Variants in SPAG16 observed in about 807,000 individuals in gnomAD.
SPAG16 encodes sperm-associated antigen 16 protein.
SPAG16 carries 86 observed loss-of-function variants against 80.4 expected under a neutral mutation model. That is an observed-to-expected ratio of 1.07 (90% CI 0.90 to 1.28). SPAG16 has a LOEUF of 1.28. Ranked by LOEUF, SPAG16 falls within the 50% of genes most tolerant of loss-of-function variation. The pLI is 0.00. For missense variants in SPAG16, 870 were observed against 765.3 expected (o/e 1.14, Z -1.61); for synonymous variants, 294 against 265.9 (o/e 1.11, Z -1.03).
chr2:214,248,140 A>T (rs948580379), intron 15 of SPAG16, among the ~76,000 whole-genome samples: 3 of 152,126 alleles, frequency 2.0e-5, no homozygotes, highest in Admixed American at 2.0e-4. Context: ...TAAGGAATTC[A>T]TCCAGAACAC....
chr2:213,790,568 GT>G (rs780228900), intron 10 of SPAG16, among the ~76,000 whole-genome samples: 2 of 151,206 alleles, frequency 1.3e-5, no homozygotes, highest in Non-Finnish European at 3.0e-5. Flanking sequence ...ATTAATATTA[GT>G]CTTCTAACAG....
At chr2:213,648,254 G>A (rs755867216) in intron 10 of SPAG16, among the ~76,000 whole-genome samples, 18 of 152,118 alleles carry the variant, frequency 1.2e-4, no homozygotes, top group Non-Finnish European at 1.5e-4. Context: ...ATCTAACTTT[G>A]GGAATGACTA....
intron 10 of SPAG16, among the ~76,000 whole-genome samples, chr2:213,832,264 GGGAT>G (rs2073711238): frequency 6.6e-6 from 1 of 152,070 alleles, no homozygotes; most frequent in Admixed American, 6.6e-5. Flanking sequence ...CCAAAGTGCT[GGGAT>G]TACAGGCATG....
intron 12 of SPAG16, among the ~76,000 whole-genome samples, chr2:213,968,782 T>G (rs80314568): frequency 0.011 from 1,636 of 152,344 alleles, 37 homozygotes; most frequent in African/African-American, 0.036. Flanking sequence ...AATCATAATA[T>G]ATATCACCTT....
intron 4 of SPAG16, 28 bp from the exon 5 acceptor site, chr2:213,317,191 T>C: frequency 6.8e-6 from 10 of 1,461,036 alleles, no homozygotes; most frequent in Non-Finnish European, 9.3e-6. Flanking sequence ...AGAAATGATA[T>C]AAACCCTTTT....
chr2:214,278,564 T>C (rs556566237), intron 15 of SPAG16, among the ~76,000 whole-genome samples: 1 of 152,292 alleles, frequency 6.6e-6, no homozygotes, highest in African/African-American at 2.4e-5. Context: ...ATCTAGTCCT[T>C]CTATAAAGAG....
At chr2:214,108,286 T>C (rs2053481665) in intron 14 of SPAG16, 25 bp downstream of exon 14, 1 of 1,551,322 alleles carries the variant, frequency 6.4e-7, no homozygotes, top group African/African-American at 1.4e-5. Flanking sequence ...CCCAGTAAAC[T>C]GTTTTTAATG....
chr2:213,556,679 C>T (rs1559251716), intron 10 of SPAG16, among the ~76,000 whole-genome samples: 1 of 152,046 alleles, frequency 6.6e-6, no homozygotes, highest in Non-Finnish European at 1.5e-5. Flanking sequence ...ACAAAGAATA[C>T]ATCATCCAGA....
At chr2:213,508,437 T>C (rs1324299993) in intron 10 of SPAG16, among the ~76,000 whole-genome samples, 1 of 152,084 alleles carries the variant, frequency 6.6e-6, no homozygotes, top group Non-Finnish European at 1.5e-5. Context: ...CCGGGCGCGG[T>C]GGCGGGCGCC....
chr2:214,281,108 A>G (rs1692897033), intron 15 of SPAG16: 2 of 393,726 alleles, frequency 5.1e-6, no homozygotes, highest in Admixed American at 2.9e-5. Context: ...TGGCCTTCAT[A>G]GATCTTGTCC....
chr2:213,882,309 T>C (rs2076374283), intron 11 of SPAG16, among the ~76,000 whole-genome samples: 1 of 152,162 alleles, frequency 6.6e-6, no homozygotes, highest in South Asian at 2.1e-4. Context: ...TTTTTGTTTC[T>C]CTGCCATGTT....
At chr2:213,841,313 A>G (rs2074354619) in intron 10 of SPAG16, among the ~76,000 whole-genome samples, 1 of 152,192 alleles carries the variant, frequency 6.6e-6, no homozygotes, top group Non-Finnish European at 1.5e-5. Flanking sequence ...GTGGGGCATG[A>G]CATAAGGGTA....
chr2:213,950,186 G>T (rs2079678382), intron 12 of SPAG16, among the ~76,000 whole-genome samples: 1 of 152,182 alleles, frequency 6.6e-6, no homozygotes, highest in African/African-American at 2.4e-5. Flanking sequence ...GGTTCGTGTA[G>T]TGTCTGCTTC....
intron 9 of SPAG16, among the ~76,000 whole-genome samples, chr2:213,465,897 C>G (rs546604217): frequency 6.6e-6 from 1 of 152,208 alleles, no homozygotes; most frequent in South Asian, 2.1e-4. Flanking sequence ...AGTATTGTTC[C>G]TGGGTGTGTG....
At chr2:213,405,400 A>C (rs1332929678) in intron 9 of SPAG16, among the ~76,000 whole-genome samples, 4 of 152,216 alleles carry the variant, frequency 2.6e-5, no homozygotes, top group African/African-American at 7.2e-5. Flanking sequence ...TTTGATATAA[A>C]CATACAATGT....
chr2:213,605,270 T>C (rs2061217119), intron 10 of SPAG16, among the ~76,000 whole-genome samples: 1 of 51,960 alleles, frequency 1.9e-5, no homozygotes, highest in Non-Finnish European at 4.1e-5. Flanking sequence ...TGGAATGCAT[T>C]TTTTTTTTTT....
At chr2:213,476,757 T>G (rs2073420792) in intron 9 of SPAG16, among the ~76,000 whole-genome samples, 2 of 152,182 alleles carry the variant, frequency 1.3e-5, no homozygotes, top group Admixed American at 1.3e-4. Flanking sequence ...TGGCATTTTC[T>G]CTCTCTTAGC....
intron 13 of SPAG16, among the ~76,000 whole-genome samples, chr2:214,034,145 A>G (rs2048563505): frequency 2.0e-5 from 3 of 152,194 alleles, no homozygotes; most frequent in African/African-American, 7.2e-5. Context: ...CACCTTATGC[A>G]GGTTTCATAG....
chr2:214,249,844 G>A (rs1690121843), intron 15 of SPAG16, among the ~76,000 whole-genome samples: 1 of 152,106 alleles, frequency 6.6e-6, no homozygotes, highest in East Asian at 1.9e-4. Context: ...TACTATATTA[G>A]TTAGAAGAAG....
Sources: gnomAD v4.1 joint callset for allele counts (sites outside exome capture counted in the v4.1 genomes callset) on GRCh38, gnomAD v4.1.1 for gene constraint, MANE v1.5 for transcripts, NCBI Gene and HGNC (gene_info 2026-07-23, HGNC 2026-07-21) for gene names.